The following MAN2B2 variants were observed in gnomAD, a reference collection of about 807,000 sequenced individuals.
MAN2B2 encodes the protein mannosidase alpha class 2B member 2.
Under a neutral mutation model 117.1 loss-of-function variants are expected in MAN2B2, and 106 were observed. The observed-to-expected ratio is 0.90, with a 90% CI of 0.77 to 1.06. The LOEUF (loss-of-function observed/expected upper bound fraction) is 1.06. Ranked by LOEUF, MAN2B2 falls within the 50% of genes least tolerant of loss-of-function variation. The pLI is 0.00. For synonymous variants in MAN2B2, 544 were observed against 595.1 expected (o/e 0.91, Z 1.25); for missense variants, 1,326 against 1,381.4 (o/e 0.96, Z 0.64).
chr4:6,589,741 T>C (rs1412673508), intron 5 of MAN2B2, among the ~76,000 whole-genome samples: 1 of 152,190 alleles, frequency 6.6e-6, no homozygotes, highest in Non-Finnish European at 1.5e-5. Context: ...TGACTCTGAA[T>C]TGCTTCTTGT....
At position 6,593,216 on chromosome 4, in the gene MAN2B2, C is replaced by T. The variant is rs751983351; in HGVS notation, c.724C>T (p.Pro242Ser). The T allele has an allele frequency of 6.2e-7, 1 of 1,613,848 alleles. No homozygotes were observed. Among genetic ancestry groups the T allele is most frequent in the Non-Finnish European group, 8.5e-7 (1 of 1,179,852 alleles). Residue 242 changes from proline (P) to serine (S), a missense_variant, in exon 6 of 19, where the codon CCC (proline) becomes TCC (serine). Pro to Ser is a moderately conservative substitution (Grantham distance 74). Transcript: ENST00000285599. The part of the protein sequence containing the change: ...WNGVAVFPKP[P>S]QDGVYPNMSE... ...TGGCGTGGCTGTCTTCCCCAAGCCT[C>T]CCCAAGATGGGGTGTACCCCAACAT...
rs1429392384 is a variant in MAN2B2, at chr4:6,581,345, C to G, written c.391+2847C>G. 2.0e-5 allele frequency among the ~76,000 whole-genome samples: 3 copies of G among 152,188 alleles called. 1 individual carries two copies. The South Asian group carries it at 6.2e-4, about 32-fold the overall frequency. ...GTAGCAAGTGGTACTGTTCACAGCC[C>G]CATTTGACAGATGAGGAAACTGAGG... On this transcript the variant is annotated intron_variant, in intron 3 of 18. Transcript: ENST00000285599.
intron 3 of MAN2B2, among the ~76,000 whole-genome samples, chr4:6,581,027 A>C (rs1209568077): frequency 6.6e-6 from 1 of 152,144 alleles, no homozygotes. Flanking sequence ...GGGTACAGAC[A>C]TGTGGGTTTC....
chr4:6,610,220 G>C (rs997835066), intron 13 of MAN2B2, among the ~76,000 whole-genome samples, 170 bp downstream of exon 13: 2 of 152,036 alleles, frequency 1.3e-5, no homozygotes, highest in South Asian at 2.1e-4. Context: ...GCAATGGAGC[G>C]ATCTTGGCTC....
intron 4 of MAN2B2, among the ~76,000 whole-genome samples, chr4:6,588,034 C>T (rs192712746): frequency 7.9e-5 from 12 of 152,276 alleles, no homozygotes; most frequent in Non-Finnish European, 1.0e-4. Flanking sequence ...GCTGGTATTA[C>T]AGGCGGGAGC....
chr4:6,600,498 C>T (rs1034039863), intron 9 of MAN2B2, 125 bp from the exon 10 acceptor site: 1 of 1,149,646 alleles, frequency 8.7e-7, no homozygotes, highest in Non-Finnish European at 1.3e-6. Flanking sequence ...CCTGGCTCCC[C>T]TGGGAGTTCT....
chr4:6,605,453 C>A (rs1440765874), intron 11 of MAN2B2, 124 bp downstream of exon 11: 6 of 1,104,310 alleles, frequency 5.4e-6, no homozygotes, highest in Non-Finnish European at 7.6e-6. Flanking sequence ...GGTGAAACCC[C>A]TTCCTGCTAT....
intron 2 of MAN2B2, among the ~76,000 whole-genome samples, 176 bp downstream of exon 2, chr4:6,576,900 G>A (rs1037437824): frequency 6.6e-6 from 1 of 152,220 alleles, no homozygotes; most frequent in African/African-American, 2.4e-5. Flanking sequence ...TGAGTTCCAT[G>A]CCTGGGAGAG....
At chr4:6,597,393 G>T in intron 8 of MAN2B2, 90 bp downstream of exon 8, 1 of 1,356,970 alleles carries the variant, frequency 7.4e-7, no homozygotes, top group Non-Finnish European at 9.8e-7. Flanking sequence ...TTCCAGCCCT[G>T]GGGCACTAGA....
chr4:6,591,125 G>A (rs1177948769), intron 5 of MAN2B2, among the ~76,000 whole-genome samples: 2 of 152,020 alleles, frequency 1.3e-5, no homozygotes, highest in African/African-American at 2.4e-5. Context: ...CAGCCTGGGT[G>A]ACAGAATCAG....
At position 6,614,307 on chromosome 4, in the gene MAN2B2, T is replaced by C. The variant is rs545913765; in HGVS notation, c.2653T>C (p.Trp885Arg). The stretch of plus-strand genomic sequence containing the variant: ...CCTGCAGATCCTGAGCATCCCTGGC[T>C]GGCGCTACAGCTCCAACCACACGGA... ...LHLQILSIPG[W>R]RYSSNHTEHS... The change falls in exon 16 of 19, where the codon TGG (tryptophan) becomes CGG (arginine). Residue 885 changes from tryptophan (W) to arginine (R), a missense_variant. Physicochemically the swap from Trp to Arg is moderately radical, Grantham distance 101. Coordinates refer to ENST00000285599, the MANE Select transcript of MAN2B2 (RefSeq NM_015274.3). 14 of 1,614,144 alleles carry C rather than the reference T, an allele frequency of 8.7e-6. No homozygotes were observed. The Admixed American group carries it at 2.3e-4, about 27-fold the overall frequency.
Position 6,578,407 on chromosome 4 carries a change from G to T in MAN2B2, c.300G>T (p.Leu100=). 1 of 1,613,384 alleles carries T rather than the reference G, an allele frequency of 6.2e-7. No homozygotes were observed. The highest frequency in any genetic ancestry group is 8.5e-7 in the Non-Finnish European group (1 of 1,179,700). ...CCCATGTCAAGGTCCGCCAGCTCCT[G>T]GAGGAAGGACGCCTGGAATTTGTCA... ...DQQKYQVRQL[L]EEGRLEFVIG... Residue 100 remains leucine (L), a synonymous_variant, in exon 3 of 19, where the codon CTG becomes CTT. Coordinates refer to ENST00000285599, the MANE Select transcript of MAN2B2 (RefSeq NM_015274.3).
Position 6,605,155 on chromosome 4 carries a change from G to A in MAN2B2, c.1640G>A (p.Gly547Glu). The change falls in exon 11 of 19, where the codon GGG becomes GAG. Residue 547 changes from glycine to glutamate, a missense_variant. Physicochemically the swap from Gly to Glu is moderately conservative, Grantham distance 98. Transcript: ENST00000285599. ...YRHYNIRPTAGAQEGTQEPAA... is the reference protein window; with the variant it reads ...YRHYNIRPTAEAQEGTQEPAA... ...CACTACAACATCAGACCCACTGCAG[G>A]GGCCCAAGAGGGCACCCAGGAGCCG... The A allele has an allele frequency of 6.2e-7, 1 of 1,614,194 alleles. No homozygotes were observed. Among genetic ancestry groups the A allele is most frequent in the South Asian group, 1.1e-5 (1 of 91,086 alleles).
chr4:6,579,437 C>CACCACCA, intron 3 of MAN2B2, among the ~76,000 whole-genome samples: 2 of 135,908 alleles, frequency 1.5e-5, no homozygotes, highest in Non-Finnish European at 3.2e-5. Flanking sequence ...ATCACCACCA[C>CACCACCA]CCTTCACCAT....
Position 6,597,146 on chromosome 4 carries a change from C to G in MAN2B2, c.1091C>G (p.Ser364Cys), listed in dbSNP as rs1727128108. 6.2e-7 allele frequency: 1 copy of G among 1,613,330 alleles called. No homozygotes were observed. The highest frequency in any genetic ancestry group is 8.5e-7 in the Non-Finnish European group (1 of 1,179,918). ...PFQAWTGFYT[S>C]RSSLKGLARR... ...CAGGCCTGGACGGGCTTCTACACGT[C>G]CCGCAGCTCACTGAAGGGGCTGGCC... is the stretch of plus-strand genomic sequence containing the variant. The change falls in exon 8 of 19, where the codon TCC becomes TGC. Residue 364 changes from serine (S) to cysteine (C), a missense_variant. Transcript: ENST00000285599.
At chr4:6,597,656 T>C (rs1030283292) in intron 8 of MAN2B2, among the ~76,000 whole-genome samples, 12 of 152,162 alleles carry the variant, frequency 7.9e-5, no homozygotes, top group Non-Finnish European at 1.3e-4. Context: ...CAAGACCTAA[T>C]TCCCTCCTGT....
Position 6,610,934 on chromosome 4 carries a change from G to C in MAN2B2, c.2314G>C (p.Val772Leu), listed in dbSNP as rs142546556. The change falls in exon 14 of 19, where the codon GTG becomes CTG. Residue 772 changes from valine (V) to leucine (L), a missense_variant. Coordinates refer to ENST00000285599, the MANE Select transcript of MAN2B2 (RefSeq NM_015274.3). ...CATGGAGGATGGCAAAAGCAGGCTT[G>C]TGTTGCTGTCGGAGCGGGCACATGG... ...AFMEDGKSRLVLLSERAHGIS... is the reference protein window; with the variant it reads ...AFMEDGKSRLLLLSERAHGIS... The C allele has an allele frequency of 1.9e-6, 3 of 1,614,118 alleles. No homozygotes were observed. The African/African-American group carries it at 4.0e-5, about 22-fold the overall frequency.
rs79191664 is a variant in MAN2B2 at position 6,604,701 on chromosome 4, G to A, written c.1540-354G>A. 3.9e-5 allele frequency among the ~76,000 whole-genome samples: 6 copies of A among 152,120 alleles called. No individual in the cohort carries two copies. The East Asian group carries it at 7.7e-4, about 20-fold the overall frequency. On this transcript the variant is annotated intron_variant, in intron 10 of 18. Coordinates refer to ENST00000285599, the MANE Select transcript of MAN2B2 (RefSeq NM_015274.3). Reference sequence around the variant, plus strand: ...ACAAGAAGCTGTATTCGTGGATCTCGGGTTCCAGAAGAGGTCAGTGGATTT... The same window carrying A: ...ACAAGAAGCTGTATTCGTGGATCTCAGGTTCCAGAAGAGGTCAGTGGATTT...
intron 16 of MAN2B2, among the ~76,000 whole-genome samples, chr4:6,616,816 A>G (rs1057115612): frequency 3.9e-5 from 6 of 152,094 alleles, no homozygotes; most frequent in African/African-American, 1.4e-4. Flanking sequence ...GCCGCGCACC[A>G]GCTGTATGCC....
Sources: gnomAD v4.1 joint callset for allele counts (sites outside exome capture counted in the v4.1 genomes callset) on GRCh38, gnomAD v4.1.1 for gene constraint, MANE v1.5 for transcripts, NCBI Gene and HGNC (gene_info 2026-07-23, HGNC 2026-07-21) for gene names.